MIOS: variants seen among roughly 807,000 people sequenced by gnomAD.
The protein encoded by MIOS is meiosis regulator for oocyte development.
In MIOS, 52 loss-of-function variants were observed where a neutral mutation model predicts 96.9. The ratio of observed to expected loss-of-function variants is 0.54; its 90% CI spans 0.43 to 0.68. The LOEUF (loss-of-function observed/expected upper bound fraction) is 0.68, where lower values mean the gene tolerates loss of function less well. Among genes scored for constraint, MIOS ranks in the 30% least tolerant of loss-of-function variants. MIOS has a pLI of 0.00. For missense variants in MIOS, 1,005 were observed against 1,052.8 expected (o/e 0.95, Z 0.63); for synonymous variants, 397 against 359.5 (o/e 1.10, Z -1.18).
At chr7:7,594,556 A>C (rs886206492) in intron 9 of MIOS, among the ~76,000 whole-genome samples, 1 of 152,164 alleles carries the variant, frequency 6.6e-6, no homozygotes, top group Non-Finnish European at 1.5e-5. Context: ...CGGCCTTCCA[A>C]AGTGCTGAGA....
intron 3 of MIOS, 147 bp downstream of exon 3, chr7:7,568,270 G>C (rs187103301): frequency 6.6e-6 from 1 of 152,218 alleles, no homozygotes; most frequent in African/African-American, 2.4e-5. Context: ...GTGATGTGAA[G>C]AGCTCATTTC....
At chr7:7,584,237 C>T (rs2115411786) in intron 6 of MIOS, among the ~76,000 whole-genome samples, 1 of 135,944 alleles carries the variant, frequency 7.4e-6, no homozygotes, top group Non-Finnish European at 1.5e-5. Flanking sequence ...TCTTTTCCTT[C>T]ACCTTTGCTC....
chr7:7,605,839 G>T, intron 11 of MIOS, 103 bp from the exon 12 acceptor site: 1 of 1,159,186 alleles, frequency 8.6e-7, no homozygotes, highest in Non-Finnish European at 1.2e-6. Flanking sequence ...TCAATATGAT[G>T]TGTGATTCAT....
intron 5 of MIOS, among the ~76,000 whole-genome samples, chr7:7,577,030 G>A (rs1208345856): frequency 6.6e-6 from 1 of 152,142 alleles, no homozygotes; most frequent in Non-Finnish European, 1.5e-5. Flanking sequence ...CGTCCATTGG[G>A]CAATAGGATA....
intron 3 of MIOS, among the ~76,000 whole-genome samples, chr7:7,569,695 G>A (rs1783284813): frequency 6.6e-6 from 1 of 152,224 alleles, no homozygotes; most frequent in Non-Finnish European, 1.5e-5. Context: ...AGAGATGGAT[G>A]ATTAAAGGGA....
In MIOS at chr7:7,607,965, T is replaced by C. The variant is rs938197043; in HGVS notation, c.*873T>C. ...TGCATACAAAGTCTATGCAAGATTA[T>C]ATGTAACTAGCCATTTAGTATAATC... On this transcript the variant is annotated 3_prime_UTR_variant, in exon 13 of 13. Transcript: ENST00000340080. 6.6e-6 allele frequency: 1 copy of C among 152,200 alleles called. No homozygotes were observed. Among genetic ancestry groups the C allele is most frequent in the Non-Finnish European group, 1.5e-5 (1 of 68,022 alleles). The allele number at this position is 152,200 out of a possible 1,614,324, so 9.4% of individuals were successfully genotyped here.
intron 11 of MIOS, among the ~76,000 whole-genome samples, chr7:7,597,610 C>T (rs1217787255): frequency 6.7e-6 from 1 of 149,386 alleles, no homozygotes; most frequent in Non-Finnish European, 1.5e-5. Context: ...ACTGACCACT[C>T]TTTTATGTTA....
Position 7,589,480 on chromosome 7 carries a change from C to G in MIOS, c.1960C>G (p.Leu654Val), listed in dbSNP as rs752014870. Residue 654 changes from leucine to valine, a missense_variant, in exon 9 of 13, where the codon CTT becomes GTT. By Grantham distance (32) the Leu-to-Val change is conservative. This residue lies in a region of MIOS where 865 missense variants were observed against 887.9 expected (regional missense o/e 0.97). Coordinates refer to ENST00000340080, the MANE Select transcript of MIOS (RefSeq NM_019005.4). The part of the protein sequence containing the change: ...GNLEGILLTG[L>V]TKDGVDLMES... ...TTTGGAAGGAATTTTGCTTACAGGC[C>G]TTACTAAAGATGGAGTGGACTTAAT... 6.2e-7 allele frequency: 1 copy of G among 1,613,464 alleles called. No homozygotes were observed. The highest frequency in any genetic ancestry group is 8.5e-7 in the Non-Finnish European group (1 of 1,179,714).
intron 5 of MIOS, among the ~76,000 whole-genome samples, chr7:7,579,266 T>C (rs1583631102): frequency 6.6e-6 from 1 of 152,216 alleles, no homozygotes; most frequent in African/African-American, 2.4e-5. Context: ...AACTGTAGCA[T>C]AGTTATCAAT....
chr7:7,583,093 A>G (rs1563025353), intron 5 of MIOS, 25 bp from the exon 6 acceptor site: 1 of 1,587,326 alleles, frequency 6.3e-7, no homozygotes, highest in East Asian at 2.2e-5. Context: ...AAATAAAACA[A>G]TATAAAAATG....
At chr7:7,577,978 G>A (rs1783590816) in intron 5 of MIOS, among the ~76,000 whole-genome samples, 1 of 152,118 alleles carries the variant, frequency 6.6e-6, no homozygotes, top group South Asian at 2.1e-4. Flanking sequence ...AATGAAGACA[G>A]GATAAGACTG....
intron 10 of MIOS, 132 bp from the exon 11 acceptor site, chr7:7,596,125 C>T: frequency 1.3e-6 from 1 of 750,342 alleles, no homozygotes. Flanking sequence ...TCAACCTTAG[C>T]AGATCAATTT....
At chr7:7,574,066 G>C (rs746184586) in intron 4 of MIOS, 32 bp from the exon 5 acceptor site, 1 of 1,436,146 alleles carries the variant, frequency 7.0e-7, no homozygotes, top group Non-Finnish European at 9.7e-7. Flanking sequence ...ATATTGTCAT[G>C]CATCACTAGT....
intron 11 of MIOS, 131 bp from the exon 12 acceptor site, chr7:7,605,811 A>T: frequency 1.1e-6 from 1 of 877,920 alleles, no homozygotes; most frequent in Non-Finnish European, 1.7e-6. Flanking sequence ...ACTAGAACCT[A>T]CCATCAAAAT....
intron 7 of MIOS, 61 bp from the exon 8 acceptor site, chr7:7,588,437 C>T (rs1456381463): frequency 3.0e-6 from 3 of 995,306 alleles, no homozygotes; most frequent in Non-Finnish European, 4.4e-6. Context: ...CATTCAGTCT[C>T]TGCAAAAATT....
At position 7,597,517 on chromosome 7, in the gene MIOS, T is replaced by TATATATATATATATATATATAAAAAA. The variant is rs372634070; in HGVS notation, c.2401+1056_2401+1057insATATATATATATATATATATAAAAAA. On this transcript the variant is annotated intron_variant, in intron 11 of 12. Transcript: ENST00000340080. ...ATATATATATATATATATATATATA[T>TATATATATATATATATATATAAAAAA]GAAGGCAATACGTAATGTTTTAAAT... 1.4e-4 allele frequency among the ~76,000 whole-genome samples: 10 copies of TATATATATATATATATATATAAAAAA among 70,442 alleles called. 1 individual carries two copies. Among genetic ancestry groups the TATATATATATATATATATATAAAAAA allele is most frequent in the East Asian group, 5.4e-4 (1 of 1,848 alleles). 46.2% of individuals were successfully genotyped at this position (70,442 alleles called of 152,430 possible). A position where few individuals can be genotyped will look rare whatever the true frequency, so the allele number is the denominator to read the frequency against.
chr7:7,595,140 C>T lies in MIOS; in HGVS notation c.2196+8C>T, dbSNP rs751228721. On this transcript the variant is annotated splice_region_variant and intron_variant, in intron 10 of 12. Transcript: ENST00000340080. Reference sequence around the variant, plus strand: ...TCCAAGCCTTTAGCACAAGTAAGTACATTGTTTTGGAGAAAATCAAATTGT... The same window carrying T: ...TCCAAGCCTTTAGCACAAGTAAGTATATTGTTTTGGAGAAAATCAAATTGT... 6.2e-7 allele frequency: 1 copy of T among 1,601,008 alleles called. No homozygotes were observed. The highest frequency in any genetic ancestry group is 1.4e-5 in the African/African-American group (1 of 74,070).
chr7:7,604,844 A>T (rs1297579285), intron 11 of MIOS, among the ~76,000 whole-genome samples: 1 of 152,208 alleles, frequency 6.6e-6, no homozygotes, highest in African/African-American at 2.4e-5. Flanking sequence ...AGTGACAAGC[A>T]CTAATGAGAG....
In MIOS at chr7:7,597,804, C is replaced by T. The variant is rs188982038; in HGVS notation, c.2401+1343C>T. Among the ~76,000 whole-genome samples, 387 of 151,876 alleles carry T rather than the reference C, an allele frequency of 2.5e-3. 2 individuals carry two copies. The highest frequency in any genetic ancestry group is 8.9e-3 in the African/African-American group (370 of 41,462). On this transcript the variant is annotated intron_variant, in intron 11 of 12. Coordinates refer to ENST00000340080, the MANE Select transcript of MIOS (RefSeq NM_019005.4). ...ACCTCTGCCTACTGCCTCCTGCCTC[C>T]TGGGCTCAGGTGATCCTCCCACCTC... is the stretch of plus-strand genomic sequence containing the variant.
Sources: allele counts gnomAD v4.1 joint callset (sites outside exome capture counted in the v4.1 genomes callset), GRCh38; gene constraint gnomAD v4.1.1; regional missense constraint gnomAD v4.1.1; transcripts MANE v1.5; gene names NCBI Gene and HGNC (gene_info 2026-07-23, HGNC 2026-07-21).